The following DCC variants were observed in gnomAD, a reference collection of about 807,000 sequenced individuals.
DCC encodes DCC netrin 1 receptor.
Under a neutral mutation model 172.5 loss-of-function variants are expected in DCC, and 58 were observed. That is an observed-to-expected ratio of 0.34 (90% CI 0.27 to 0.42). DCC has a LOEUF of 0.42. Among genes scored for constraint, DCC ranks in the 10% least tolerant of loss-of-function variants. The pLI is 1.00. For missense variants in DCC, 1,740 were observed against 1,791.0 expected (o/e 0.97, Z 0.51); for synonymous variants, 709 against 644.5 (o/e 1.10, Z -1.52).
chr18:53,223,322 AAG>A (rs2055972490), intron 12 of DCC, among the ~76,000 whole-genome samples: 1 of 152,176 alleles, frequency 6.6e-6, no homozygotes, highest in African/African-American at 2.4e-5. Context: ...TTTTGACAAA[AAG>A]AGATTAAAAT....
At chr18:52,497,943 T>C (rs913014906) in intron 1 of DCC, among the ~76,000 whole-genome samples, 1 of 152,174 alleles carries the variant, frequency 6.6e-6, no homozygotes, top group Non-Finnish European at 1.5e-5. Flanking sequence ...GAGGGTCAGA[T>C]AGTAAACATT....
At chr18:53,403,939 A>G (rs960499782) in intron 19 of DCC, among the ~76,000 whole-genome samples, 4 of 152,252 alleles carry the variant, frequency 2.6e-5, no homozygotes, top group Non-Finnish European at 5.9e-5. Context: ...TTAGCACAAT[A>G]GCAAACAGAA....
rs187370314 is a variant in DCC at position 53,233,705 on chromosome 18, A to G, written c.1911+18108A>G. Among the ~76,000 whole-genome samples, 578 of 152,352 alleles carry G rather than the reference A, an allele frequency of 3.8e-3. 2 individuals carry two copies. Among genetic ancestry groups the G allele is most frequent in the Non-Finnish European group, 6.2e-3 (423 of 68,040 alleles). ...TCACCAAGCATGTGAACCACTGCTTATATAACTTCATGATTGTTATAAACA... is the reference window on the plus strand; with the variant it reads ...TCACCAAGCATGTGAACCACTGCTTGTATAACTTCATGATTGTTATAAACA... On this transcript the variant is annotated intron_variant, in intron 12 of 28. Transcript: ENST00000442544.
At chr18:53,378,096 G>A (rs1414239480) in intron 15 of DCC, among the ~76,000 whole-genome samples, 9 of 152,132 alleles carry the variant, frequency 5.9e-5, no homozygotes, top group South Asian at 2.1e-4. Context: ...ACAGTAGCTG[G>A]GATTACAGGC....
chr18:52,963,036 C>T (rs971215725), intron 5 of DCC, among the ~76,000 whole-genome samples: 41 of 151,494 alleles, frequency 2.7e-4, no homozygotes, highest in Non-Finnish European at 5.3e-4. Flanking sequence ...AGCACACCAA[C>T]ATGGCACATG....
intron 1 of DCC, among the ~76,000 whole-genome samples, chr18:52,488,321 C>T (rs2030332334): frequency 6.6e-6 from 1 of 152,104 alleles, no homozygotes; most frequent in Admixed American, 6.6e-5. Flanking sequence ...ATTGAAAAAC[C>T]TTCCTACTTT....
intron 5 of DCC, among the ~76,000 whole-genome samples, chr18:52,955,745 T>C (rs1019907526): frequency 1.3e-5 from 2 of 152,092 alleles, no homozygotes; most frequent in Non-Finnish European, 2.9e-5. Flanking sequence ...GCTATTCCAA[T>C]AGGTTTGTAA....
intron 1 of DCC, among the ~76,000 whole-genome samples, chr18:52,485,010 A>G: frequency 6.6e-6 from 1 of 152,012 alleles, no homozygotes; most frequent in Non-Finnish European, 1.5e-5. Flanking sequence ...TCTGTCTCTA[A>G]ATTCTGTGAA....
chr18:53,326,103 T>C (rs1232361178), intron 14 of DCC, among the ~76,000 whole-genome samples: 1 of 152,210 alleles, frequency 6.6e-6, no homozygotes, highest in African/African-American at 2.4e-5. Context: ...CACACAAATA[T>C]CAACTTTTTT....
chr18:53,291,974 G>A (rs1022741232), intron 12 of DCC, among the ~76,000 whole-genome samples: 4 of 152,082 alleles, frequency 2.6e-5, no homozygotes, highest in African/African-American at 4.8e-5. Flanking sequence ...GAAGAAACAA[G>A]CCTGGCTACT....
chr18:52,505,703 C>T (rs2031207681), intron 1 of DCC, among the ~76,000 whole-genome samples: 1 of 152,142 alleles, frequency 6.6e-6, no homozygotes, highest in Non-Finnish European at 1.5e-5. Flanking sequence ...AATTCCAAGA[C>T]TCCTATTTTG....
At chr18:53,222,811 G>GT (rs1332001081) in intron 12 of DCC, among the ~76,000 whole-genome samples, 15 of 151,976 alleles carry the variant, frequency 9.9e-5, no homozygotes, top group Non-Finnish European at 1.9e-4. Context: ...TTTACCAATT[G>GT]TTTTTTCTAC....
intron 1 of DCC, among the ~76,000 whole-genome samples, chr18:52,564,616 T>G (rs1364526195): frequency 1.4e-5 from 2 of 145,298 alleles, no homozygotes; most frequent in Non-Finnish European, 3.0e-5. Flanking sequence ...AGATGTCTCT[T>G]CTTTCATTGA....
intron 5 of DCC, among the ~76,000 whole-genome samples, chr18:52,933,880 G>T (rs1388103741): frequency 6.6e-6 from 1 of 151,994 alleles, no homozygotes; most frequent in East Asian, 1.9e-4. Context: ...GTAAAACAAT[G>T]ATAATTACTT....
intron 2 of DCC, among the ~76,000 whole-genome samples, chr18:52,757,724 C>T (rs1381036715): frequency 6.6e-6 from 1 of 152,160 alleles, no homozygotes; most frequent in Non-Finnish European, 1.5e-5. Context: ...ATTAAAACCA[C>T]TGACTTGCTT....
chr18:52,628,162 C>T (rs2034608320), intron 1 of DCC, among the ~76,000 whole-genome samples: 1 of 152,108 alleles, frequency 6.6e-6, no homozygotes. Flanking sequence ...GTGAATTTTT[C>T]CTAAATTAGA....
intron 5 of DCC, among the ~76,000 whole-genome samples, chr18:52,982,363 T>C (rs954489169): frequency 2.6e-5 from 4 of 152,158 alleles, no homozygotes; most frequent in Admixed American, 6.6e-5. Flanking sequence ...AGGATGGTTA[T>C]GACACTAAGA....
chr18:52,771,523 A>C (rs1214856970), intron 2 of DCC, among the ~76,000 whole-genome samples: 3 of 152,212 alleles, frequency 2.0e-5, no homozygotes, highest in African/African-American at 7.2e-5. Flanking sequence ...TCTACATAGA[A>C]ACACTAGTGA....
intron 9 of DCC, among the ~76,000 whole-genome samples, chr18:53,180,298 T>G (rs1184452652): frequency 2.0e-5 from 3 of 152,206 alleles, no homozygotes; most frequent in Non-Finnish European, 4.4e-5. Context: ...AGGGCTAAGT[T>G]GTGCAAGTAC....
Sources: gnomAD v4.1 joint callset for allele counts (sites outside exome capture counted in the v4.1 genomes callset) on GRCh38, gnomAD v4.1.1 for gene constraint, MANE v1.5 for transcripts, NCBI Gene and HGNC (gene_info 2026-07-23, HGNC 2026-07-21) for gene names.